Variants in DMXL2 observed in about 807,000 individuals in gnomAD.
DMXL2 encodes dmX-like protein 2.
A neutral mutation model predicts 331.1 loss-of-function variants in DMXL2; 103 were observed. That is an observed-to-expected ratio of 0.31 (90% CI 0.27 to 0.37). The LOEUF (loss-of-function observed/expected upper bound fraction) is 0.37. Among genes scored for constraint, DMXL2 ranks in the 10% least tolerant of loss-of-function variants. The probability of loss-of-function intolerance (pLI) is 1.00; values close to 1 mark genes in which losing one functional copy is unlikely to be tolerated. For missense variants in DMXL2, 3,171 were observed against 3,642.9 expected (o/e 0.87, Z 3.33); for synonymous variants, 1,281 against 1,252.1 (o/e 1.02, Z -0.49).
chr15:51,606,818 T>C (rs754221803), intron 1 of DMXL2, among the ~76,000 whole-genome samples: 9 of 152,064 alleles, frequency 5.9e-5, no homozygotes, highest in East Asian at 1.9e-4. Context: ...GATTTGCAAA[T>C]TGATTAGAAA....
intron 7 of DMXL2, among the ~76,000 whole-genome samples, chr15:51,546,061 T>C (rs926227917): frequency 1.1e-4 from 16 of 152,240 alleles, no homozygotes; most frequent in Admixed American, 9.2e-4. Context: ...AACCTAATCA[T>C]TGCAAATTAG....
chr15:51,537,336 T>A, intron 11 of DMXL2, 152 bp downstream of exon 11: 1 of 695,668 alleles, frequency 1.4e-6, no homozygotes, highest in Admixed American at 3.1e-5. Flanking sequence ...TTATGGTCAC[T>A]GATCCCTTCT....
intron 17 of DMXL2, among the ~76,000 whole-genome samples, chr15:51,501,919 CAA>C (rs751293392): frequency 2.0e-4 from 17 of 86,732 alleles, no homozygotes; most frequent in Middle Eastern, 0.011. Context: ...AACTCCATCT[CAA>C]AAAAAAAAAA....
Position 51,536,573 on chromosome 15 carries a change from G to A in DMXL2, c.1907C>T (p.Thr636Ile), listed in dbSNP as rs202117750. The A allele has an allele frequency of 6.2e-7, 1 of 1,614,044 alleles. No individual in the cohort carries two copies. Among genetic ancestry groups the A allele is most frequent in the East Asian group, 2.2e-5 (1 of 44,876 alleles). Residue 636 changes from threonine to isoleucine, a missense_variant, in exon 12 of 44, where the codon ACT (threonine) becomes ATT (isoleucine). Thr to Ile is a moderately conservative substitution (Grantham distance 89). This residue lies in a region of DMXL2 where 1,674 missense variants were observed against 1,780.2 expected (regional missense o/e 0.94). Coordinates refer to ENST00000560891, the MANE Select transcript of DMXL2 (RefSeq NM_001378457.1). Reference protein sequence around the residue: ...VTFADKSAFTTVLTVSHKFRY... With the variant: ...VTFADKSAFTIVLTVSHKFRY... ...AAATTTGTGAGATACAGTTAGAACA[G>A]TGGTAAAGGCAGACTTATCAGCAAA...
intron 1 of DMXL2, among the ~76,000 whole-genome samples, chr15:51,597,871 G>T (rs150896727): frequency 5.3e-4 from 80 of 152,216 alleles, no homozygotes; most frequent in African/African-American, 1.8e-3. Flanking sequence ...ATTTCAATCT[G>T]TCTTTTTGTG....
intron 13 of DMXL2, among the ~76,000 whole-genome samples, chr15:51,531,638 T>A (rs1044313241): frequency 4.6e-5 from 7 of 152,174 alleles, no homozygotes; most frequent in Admixed American, 3.9e-4. Context: ...ACGGGATTAA[T>A]AACCAGAATA....
intron 27 of DMXL2, 57 bp from the exon 28 acceptor site, chr15:51,474,649 A>C: frequency 6.6e-7 from 1 of 1,507,146 alleles, no homozygotes; most frequent in Non-Finnish European, 8.9e-7. Context: ...CAGAAGGAAA[A>C]AACATCCAAA....
rs75793217 is a variant in DMXL2, at chr15:51,565,176, G to A, written c.286-10C>T. ...ACTGGCACTTGAGTTGCTGAAATAC[G>A]TAGACAAAAAGAAATAAGAAAAAAG... On this transcript the variant is annotated splice_polypyrimidine_tract_variant and intron_variant, in intron 3 of 43. Transcript: ENST00000560891. 4.0e-5 allele frequency: 61 copies of A among 1,543,738 alleles called. 1 individual carries two copies. In the East Asian group the frequency reaches 8.5e-4, roughly 21 times the overall value.
chr15:51,520,796 G>A (rs1482626943), intron 13 of DMXL2, among the ~76,000 whole-genome samples: 1 of 152,172 alleles, frequency 6.6e-6, no homozygotes, highest in Non-Finnish European at 1.5e-5. Context: ...GGCAGAGGTT[G>A]CAGTGAGCTG....
At chr15:51,506,806 G>A (rs1000738558) in intron 16 of DMXL2, among the ~76,000 whole-genome samples, 1 of 151,996 alleles carries the variant, frequency 6.6e-6, no homozygotes, top group Non-Finnish European at 1.5e-5. Flanking sequence ...GTATTGGATG[G>A]GAATGTGTAT....
intron 13 of DMXL2, among the ~76,000 whole-genome samples, chr15:51,530,092 T>C (rs1296016711): frequency 6.6e-6 from 1 of 152,028 alleles, no homozygotes; most frequent in Non-Finnish European, 1.5e-5. Context: ...AAAGTGGGTA[T>C]AGAAGGAACA....
chr15:51,575,287 CTT>C (rs2050947710), intron 2 of DMXL2, among the ~76,000 whole-genome samples: 1 of 151,964 alleles, frequency 6.6e-6, no homozygotes, highest in Admixed American at 6.6e-5. Flanking sequence ...TTAACATACT[CTT>C]GATCAAATTT....
intron 33 of DMXL2, chr15:51,459,958 C>T: frequency 1.0e-6 from 1 of 984,626 alleles, no homozygotes; most frequent in Non-Finnish European, 1.2e-6. Flanking sequence ...AACTGGTAAT[C>T]TATAAAATTA....
intron 33 of DMXL2, among the ~76,000 whole-genome samples, chr15:51,461,696 A>G (rs151211849): frequency 5.5e-4 from 83 of 152,246 alleles, no homozygotes; most frequent in African/African-American, 1.9e-3. Flanking sequence ...GATTACAAGC[A>G]TACACCATCA....
intron 1 of DMXL2, among the ~76,000 whole-genome samples, chr15:51,609,667 G>A (rs868144304): frequency 6.6e-6 from 1 of 152,188 alleles, no homozygotes; most frequent in African/African-American, 2.4e-5. Flanking sequence ...GGTGGCTCAC[G>A]CCTGTAATCC....
At chr15:51,450,367 A>G in intron 42 of DMXL2, 21 bp from the exon 43 acceptor site, 1 of 1,610,706 alleles carries the variant, frequency 6.2e-7, no homozygotes, top group Non-Finnish European at 8.5e-7. Flanking sequence ...AAAACATCAG[A>G]GAATTTCTCA....
intron 22 of DMXL2, among the ~76,000 whole-genome samples, chr15:51,487,486 C>T (rs911646925): frequency 2.6e-5 from 4 of 151,490 alleles, no homozygotes; most frequent in African/African-American, 4.8e-5. Context: ...GAGATGGAGT[C>T]TCACTCTGTC....
intron 7 of DMXL2, among the ~76,000 whole-genome samples, chr15:51,546,472 A>C (rs2048895950): frequency 6.6e-6 from 1 of 152,144 alleles, no homozygotes; most frequent in Admixed American, 6.6e-5. Flanking sequence ...AATGTGTGCT[A>C]TATTTCCTAT....
At chr15:51,513,503 A>C (rs1296007751) in intron 15 of DMXL2, among the ~76,000 whole-genome samples, 1 of 152,208 alleles carries the variant, frequency 6.6e-6, no homozygotes, top group Non-Finnish European at 1.5e-5. Context: ...TAGTCTGACG[A>C]GTGAAAAGAT....
Sources: allele counts gnomAD v4.1 joint callset (sites outside exome capture counted in the v4.1 genomes callset), GRCh38; gene constraint gnomAD v4.1.1; regional missense constraint gnomAD v4.1.1; transcripts MANE v1.5; gene names NCBI Gene and HGNC (gene_info 2026-07-23, HGNC 2026-07-21).